The following AGK variants were observed in gnomAD, a reference collection of about 807,000 sequenced individuals.
The protein encoded by AGK is acylglycerol kinase, mitochondrial.
Under a neutral mutation model 66.4 loss-of-function variants are expected in AGK, and 52 were observed. That is an observed-to-expected ratio of 0.78 (90% CI 0.63 to 0.99). The LOEUF is 0.99. AGK is among the 50% of genes least tolerant of loss of function. The pLI, the probability that AGK is intolerant of heterozygous loss-of-function variation, is 0.00. For synonymous variants in AGK, 182 were observed against 181.1 expected, an observed-to-expected ratio of 1.00 and a Z score of -0.04; for missense variants, 451 against 506.6, an observed-to-expected ratio of 0.89 and a Z score of 1.05.
At chr7:141,573,492 C>T (rs1279458178) in intron 2 of AGK, among the ~76,000 whole-genome samples, 2 of 152,054 alleles carry the variant, frequency 1.3e-5, no homozygotes, top group African/African-American at 4.8e-5. Flanking sequence ...AGTTTTATAT[C>T]AATGGTTTTA....
At chr7:141,573,293 A>C (rs1473960563) in intron 2 of AGK, among the ~76,000 whole-genome samples, 1 of 152,186 alleles carries the variant, frequency 6.6e-6, no homozygotes, top group Non-Finnish European at 1.5e-5. Context: ...AGTACAATGA[A>C]GTTTAATTAT....
At position 141,649,228 on chromosome 7, in the gene AGK, A is replaced by T. The variant is rs1420517311; in HGVS notation, c.976-35A>T. On this transcript the variant is annotated intron_variant, in intron 13 of 15. Coordinates refer to ENST00000649286, the MANE Select transcript of AGK (RefSeq NM_018238.4). ...CAACAGGCTGCATTAGCCAAATTTTAAGAGTAATGACGTTAGTGTTCTTAA... is the reference window on the plus strand; with the variant it reads ...CAACAGGCTGCATTAGCCAAATTTTTAGAGTAATGACGTTAGTGTTCTTAA... 6 of 1,510,546 alleles carry T rather than the reference A, an allele frequency of 4.0e-6. 1 individual carries two copies. In the Admixed American group the frequency reaches 1.0e-4, roughly 25 times the overall value. The allele number at this position is 1,510,546 out of a possible 1,614,324, so 93.6% of individuals were successfully genotyped here.
chr7:141,601,152 C>A, intron 4 of AGK, 53 bp from the exon 5 acceptor site: 1 of 1,356,020 alleles, frequency 7.4e-7, no homozygotes, highest in Non-Finnish European at 1.0e-6. Context: ...GCTTTTTGTT[C>A]TTGCTCTTGA....
chr7:141,564,167 CCT>C (rs1795413993), intron 2 of AGK, among the ~76,000 whole-genome samples: 1 of 152,182 alleles, frequency 6.6e-6, no homozygotes, highest in Non-Finnish European at 1.5e-5. Flanking sequence ...TTCCTATCTC[CCT>C]CTCATGCCAC....
intron 8 of AGK, among the ~76,000 whole-genome samples, chr7:141,617,004 G>T (rs942078804): frequency 5.9e-5 from 9 of 152,068 alleles, no homozygotes; most frequent in Non-Finnish European, 1.0e-4. Context: ...TGATCCGCCC[G>T]CCTCGGCCTC....
Position 141,555,389 on chromosome 7 carries a change from G to C in AGK, c.-14-64G>C, listed in dbSNP as rs990763681. 9.1e-7 allele frequency: 1 copy of C among 1,102,218 alleles called. No individual in the cohort carries two copies. Among genetic ancestry groups the C allele is most frequent in the African/African-American group, 1.6e-5 (1 of 64,014 alleles). The allele number at this position is 1,102,218 out of a possible 1,614,324, so 68.3% of individuals were successfully genotyped here. On this transcript the variant is annotated intron_variant, in intron 1 of 15. Coordinates refer to ENST00000649286, the MANE Select transcript of AGK (RefSeq NM_018238.4). This position sits in a 1 kb window ranked among gnomAD's most constrained non-coding sequence, Gnocchi z 4.2. ...TAAAAGAATGGAAGACAGAGTAATA[G>C]GGACATTACATGAAGACCATGGATA... is the stretch of plus-strand genomic sequence containing the variant.
At chr7:141,634,015 TA>T in intron 10 of AGK, 35 bp downstream of exon 10, 2 of 1,550,824 alleles carry the variant, frequency 1.3e-6, no homozygotes, top group Non-Finnish European at 1.8e-6. Context: ...TGATGTTTTT[TA>T]AAAAAATCTT....
At chr7:141,576,458 G>A (rs1795740678) in intron 2 of AGK, among the ~76,000 whole-genome samples, 2 of 151,532 alleles carry the variant, frequency 1.3e-5, no homozygotes, top group African/African-American at 4.9e-5. Flanking sequence ...AGTTTGGCAG[G>A]AAGGGCAGTT....
At position 141,591,751 on chromosome 7, in the gene AGK, T is replaced by C. The variant is rs550586401; in HGVS notation, c.102-1395T>C. 3.6e-4 allele frequency among the ~76,000 whole-genome samples: 55 copies of C among 152,364 alleles called. 1 individual carries two copies. In the South Asian group the frequency reaches 0.011, roughly 29 times the overall value. On this transcript the variant is annotated intron_variant, in intron 2 of 15. Coordinates refer to ENST00000649286, the MANE Select transcript of AGK (RefSeq NM_018238.4). ...TTGTTCATCTTTTCTGGGTATTTGA[T>C]TTCTTAACTTTTGTTAACCACATTG... is the stretch of plus-strand genomic sequence containing the variant.
chr7:141,574,733 T>C (rs1455250189), intron 2 of AGK, among the ~76,000 whole-genome samples: 3 of 152,184 alleles, frequency 2.0e-5, no homozygotes, highest in African/African-American at 7.2e-5. Flanking sequence ...TCTGAGAAAT[T>C]AGAAGGTACT....
At chr7:141,631,582 A>T (rs910162675) in intron 9 of AGK, among the ~76,000 whole-genome samples, 8 of 152,168 alleles carry the variant, frequency 5.3e-5, no homozygotes, top group African/African-American at 1.9e-4. Context: ...ATCCAAAATC[A>T]AGCATTTCTT....
rs181279026 is a variant in AGK, at chr7:141,602,566, A to G, written c.297+1286A>G. Among the ~76,000 whole-genome samples, 12 of 151,898 alleles carry G rather than the reference A, an allele frequency of 7.9e-5. No individual in the cohort carries two copies. In the East Asian group the frequency reaches 2.1e-3, roughly 27 times the overall value. On this transcript the variant is annotated intron_variant, in intron 5 of 15. Coordinates refer to ENST00000649286, the MANE Select transcript of AGK (RefSeq NM_018238.4). The stretch of plus-strand genomic sequence containing the variant: ...TTCATTCTCAATATTGTTTATTTGT[A>G]CCCTCTCTTTTTCCCCTCAGTAATC...
intron 6 of AGK, 51 bp from the exon 7 acceptor site, chr7:141,614,095 G>A (rs764381461): frequency 1.6e-5 from 21 of 1,301,448 alleles, no homozygotes; most frequent in Admixed American, 6.0e-5. Context: ...TTCTTTTATT[G>A]TAAAGGAAAT....
rs1587129356 is a variant in AGK at position 141,614,166 on chromosome 7, A to T, written c.411A>T (p.Arg137=). 2 of 1,540,144 alleles carry T rather than the reference A, an allele frequency of 1.3e-6. No homozygotes were observed. Among genetic ancestry groups the T allele is most frequent in the South Asian group, 1.2e-5 (1 of 83,088 alleles). The stretch of plus-strand genomic sequence containing the variant: ...TGTAGGTTGTTACTGGTGTTCTTCG[A>T]CGAACAGATGAGGTGAGCATTAAAG... ...TLQEVVTGVL[R]RTDEATFSKI... is the part of the protein sequence containing the mutation. Residue 137 remains arginine, a synonymous_variant, in exon 7 of 16, where the codon CGA becomes CGT. Transcript: ENST00000649286.
chr7:141,581,138 G>C (rs1025142101), intron 2 of AGK, among the ~76,000 whole-genome samples: 7 of 151,922 alleles, frequency 4.6e-5, no homozygotes, highest in Non-Finnish European at 8.8e-5. Flanking sequence ...GCCGATATAC[G>C]TAACAGATGA....
rs537246416 is a variant in AGK, at chr7:141,584,712, C to T, written c.102-8434C>T. Among the ~76,000 whole-genome samples the T allele has an allele frequency of 7.2e-5, 11 of 152,304 alleles. No individual in the cohort carries two copies. The South Asian group carries it at 2.3e-3, about 32-fold the overall frequency. ...TAGGAGGCAGTGCTGTATATTTGTC[C>T]TTTGCATTTGATAGTAGAATTTTTA... is the stretch of plus-strand genomic sequence containing the variant. On this transcript the variant is annotated intron_variant, in intron 2 of 15. Transcript: ENST00000649286.
rs1328501561 is a variant in AGK, at chr7:141,555,677, G to A, written c.101+110G>A. On this transcript the variant is annotated intron_variant, in intron 2 of 15. Transcript: ENST00000649286. The surrounding 1 kb of genome is among the most constrained non-coding windows in gnomAD (Gnocchi z 4.2). ...TGCTTATCCCTATAAAACATGTGGTGTAAAAGAAAAATAAATGCTATTCAA... is the reference window on the plus strand; with the variant it reads ...TGCTTATCCCTATAAAACATGTGGTATAAAAGAAAAATAAATGCTATTCAA... 5.6e-6 allele frequency: 4 copies of A among 719,726 alleles called. No homozygotes were observed. The highest frequency in any genetic ancestry group is 1.8e-5 in the African/African-American group (1 of 55,788). The allele number at this position is 719,726 out of a possible 1,614,324, so 44.6% of individuals were successfully genotyped here. A position where few individuals can be genotyped will look rare whatever the true frequency, so the allele number is the denominator to read the frequency against.
chr7:141,635,655 C>G (rs1797154211), intron 10 of AGK, among the ~76,000 whole-genome samples: 1 of 152,092 alleles, frequency 6.6e-6, no homozygotes, highest in Non-Finnish European at 1.5e-5. Flanking sequence ...TACTTCTAAG[C>G]TTTTCTCTCT....
Position 141,650,410 on chromosome 7 carries a change from C to T in AGK, c.1046+1077C>T, listed in dbSNP as rs188247910. On this transcript the variant is annotated intron_variant, in intron 14 of 15. Coordinates refer to ENST00000649286, the MANE Select transcript of AGK (RefSeq NM_018238.4). ...CCCCAATTCTATTGCTAAGGTTAGG[C>T]GAAGCCACTATGTTCTGCATTGTTA... 24 of 678,254 alleles carry T rather than the reference C, an allele frequency of 3.5e-5. 1 individual carries two copies. In the East Asian group the frequency reaches 2.4e-3, roughly 68 times the overall value. The allele number at this position is 678,254 out of a possible 1,614,324, so 42.0% of individuals were successfully genotyped here.
Sources: allele counts gnomAD v4.1 joint callset (sites outside exome capture counted in the v4.1 genomes callset), GRCh38; gene constraint gnomAD v4.1.1; non-coding constraint Gnocchi (gnomAD v3.1); transcripts MANE v1.5; gene names NCBI Gene and HGNC (gene_info 2026-07-23, HGNC 2026-07-21).